Variants in MICU1 observed in about 807,000 individuals in gnomAD.
The protein encoded by MICU1 is mitochondrial calcium uptake 1.
Under a neutral mutation model 56.8 loss-of-function variants are expected in MICU1, and 45 were observed. The ratio of observed to expected loss-of-function variants is 0.79; its 90% CI spans 0.62 to 1.02. The LOEUF is 1.02. MICU1 is among the 50% of genes least tolerant of loss of function. The pLI is 0.00. For missense variants in MICU1, 504 were observed against 587.1 expected (o/e 0.86, Z 1.46); for synonymous variants, 186 against 195.1 (o/e 0.95, Z 0.39).
At chr10:72,403,440 C>T (rs761776738) in intron 10 of MICU1, among the ~76,000 whole-genome samples, 28 of 151,126 alleles carry the variant, frequency 1.9e-4, no homozygotes, top group South Asian at 1.3e-3. Flanking sequence ...TGGCTTTGAA[C>T]TCCTGGCCTC....
chr10:72,513,754 C>A (rs969883450), intron 5 of MICU1, among the ~76,000 whole-genome samples: 1 of 151,756 alleles, frequency 6.6e-6, no homozygotes. Context: ...CACCTTCATT[C>A]TTTTGTACGT....
intron 5 of MICU1, among the ~76,000 whole-genome samples, chr10:72,527,725 T>G (rs556880269): frequency 6.6e-6 from 1 of 152,286 alleles, no homozygotes; most frequent in Admixed American, 6.5e-5. Flanking sequence ...AATGAGTAAT[T>G]ATGTATAAGC....
chr10:72,463,237 A>C (rs1201054025), intron 8 of MICU1, among the ~76,000 whole-genome samples: 1 of 152,102 alleles, frequency 6.6e-6, no homozygotes, highest in Non-Finnish European at 1.5e-5. Flanking sequence ...CTAATTTTGT[A>C]TTTTTAGTAG....
At chr10:72,498,374 T>A (rs1170613593) in intron 6 of MICU1, among the ~76,000 whole-genome samples, 1 of 152,124 alleles carries the variant, frequency 6.6e-6, no homozygotes, top group African/African-American at 2.4e-5. Context: ...TCACCTGAGG[T>A]CAGGAGGTCG....
At chr10:72,422,033 C>A (rs372120363) in intron 9 of MICU1, among the ~76,000 whole-genome samples, 4 of 152,102 alleles carry the variant, frequency 2.6e-5, no homozygotes, top group Non-Finnish European at 5.9e-5. Context: ...TATGGACTGA[C>A]CCCACCCCCT....
rs200013182 is a variant in MICU1, at chr10:72,454,468, C to CA, written c.933+20631dup. ...AAACTCCGTCTCACATTTAAAAAAA[C>CA]AAAAAAAACAAAAAAACAAAACTGT... On this transcript the variant is annotated intron_variant, in intron 8 of 11. Transcript: ENST00000361114. Among the ~76,000 whole-genome samples, 301 of 146,518 alleles carry CA rather than the reference C, an allele frequency of 2.1e-3. 3 individuals are homozygous for CA. In the East Asian group the frequency reaches 0.036, roughly 18 times the overall value.
chr10:72,452,028 C>A (rs1028666485), intron 8 of MICU1, among the ~76,000 whole-genome samples: 1 of 151,996 alleles, frequency 6.6e-6, no homozygotes, highest in Admixed American at 6.6e-5. Flanking sequence ...CCATGCCTGG[C>A]TAATTTTTTC....
chr10:72,498,415 G>A (rs762990280), intron 6 of MICU1, among the ~76,000 whole-genome samples: 3 of 152,022 alleles, frequency 2.0e-5, no homozygotes, highest in Non-Finnish European at 4.4e-5. Context: ...GTGAAACCCC[G>A]TCTCTATTAA....
rs965662892 is a variant in MICU1, at chr10:72,368,133, G to A, written c.*62C>T. On this transcript the variant is annotated 3_prime_UTR_variant, in exon 12 of 12. Coordinates refer to ENST00000361114, the MANE Select transcript of MICU1 (RefSeq NM_001195518.2). ...AAGCAGCAGCACAAAGGGCTCTGCC[G>A]AGACTCTGCGGAGGGGGTCCAGGGT... is the stretch of plus-strand genomic sequence containing the variant. 2.3e-5 allele frequency: 35 copies of A among 1,539,662 alleles called. No homozygotes were observed. The highest frequency in any genetic ancestry group is 2.3e-4 in the Middle Eastern group (1 of 4,338).
At chr10:72,503,749 A>G (rs1270530640) in intron 6 of MICU1, among the ~76,000 whole-genome samples, 1 of 152,166 alleles carries the variant, frequency 6.6e-6, no homozygotes, top group African/African-American at 2.4e-5. Flanking sequence ...GACCTGAAAA[A>G]TGACTTTACT....
intron 6 of MICU1, among the ~76,000 whole-genome samples, chr10:72,507,801 A>G (rs1286075554): frequency 6.6e-6 from 1 of 151,980 alleles, no homozygotes; most frequent in African/African-American, 2.4e-5. Context: ...ATGCTTTTGT[A>G]GAGATGGGGT....
At chr10:72,483,228 T>C (rs1452810647) in intron 6 of MICU1, 1 of 152,318 alleles carries the variant, frequency 6.6e-6, no homozygotes, top group East Asian at 1.9e-4. Flanking sequence ...CTTTTAGCCA[T>C]GAAGACAAGG....
chr10:72,598,329 C>T (rs1360857679), intron 1 of MICU1, among the ~76,000 whole-genome samples: 1 of 151,790 alleles, frequency 6.6e-6, no homozygotes, highest in Non-Finnish European at 1.5e-5. Context: ...GATCTCGGCT[C>T]ACTGCAACCT....
chr10:72,595,447 C>CAAAAAAAAAAAAAAAAAAAAA (rs1255926638), intron 1 of MICU1, among the ~76,000 whole-genome samples: 4 of 41,120 alleles, frequency 9.7e-5, no homozygotes, highest in Admixed American at 2.7e-4. Context: ...GACTCTGTCT[C>CAAAAAAAAAAAAAAAAAAAAA]AAAAAAAAAA....
At chr10:72,465,280 G>A (rs1589247903) in intron 8 of MICU1, among the ~76,000 whole-genome samples, 1 of 149,918 alleles carries the variant, frequency 6.7e-6, no homozygotes, top group East Asian at 2.0e-4. Flanking sequence ...TTATAGGCAT[G>A]AGCCACCATG....
intron 1 of MICU1, among the ~76,000 whole-genome samples, chr10:72,576,127 T>C (rs1322799728): frequency 6.7e-6 from 1 of 148,780 alleles, no homozygotes; most frequent in Non-Finnish European, 1.5e-5. Context: ...AACAGTAGAA[T>C]CTCTTGAACT....
chr10:72,446,484 C>T (rs1327149464), intron 8 of MICU1, among the ~76,000 whole-genome samples: 1 of 152,012 alleles, frequency 6.6e-6, no homozygotes, highest in Non-Finnish European at 1.5e-5. Context: ...GTGTCCGCTA[C>T]CATGCCTGGC....
At position 72,548,586 on chromosome 10, in the gene MICU1, A is replaced by C. The variant is rs546660618; in HGVS notation, c.493+2593T>G. 3.2e-4 allele frequency among the ~76,000 whole-genome samples: 48 copies of C among 152,368 alleles called. No homozygotes were observed. In the South Asian group the frequency reaches 9.1e-3, roughly 29 times the overall value. Reference sequence around the variant, plus strand: ...AAGTAAGAGAGGTTATAGATGAAACAAGATTGGCCATGTGTTATAATTGTT... The same window carrying C: ...AAGTAAGAGAGGTTATAGATGAAACCAGATTGGCCATGTGTTATAATTGTT... On this transcript the variant is annotated intron_variant, in intron 4 of 11. Coordinates refer to ENST00000361114, the MANE Select transcript of MICU1 (RefSeq NM_001195518.2).
chr10:72,449,435 A>C (rs1374863210), intron 8 of MICU1, among the ~76,000 whole-genome samples: 2 of 152,024 alleles, frequency 1.3e-5, no homozygotes, highest in African/African-American at 4.8e-5. Flanking sequence ...ACAGGGTCTC[A>C]CTATGTTGCC....
Sources: allele counts gnomAD v4.1 joint callset (sites outside exome capture counted in the v4.1 genomes callset), GRCh38; gene constraint gnomAD v4.1.1; transcripts MANE v1.5; gene names NCBI Gene and HGNC (gene_info 2026-07-23, HGNC 2026-07-21).